CADM2: variants seen among roughly 807,000 people sequenced by gnomAD.
CADM2 encodes the protein immunoglobulin superfamily member 4D.
CADM2 carries 12 observed loss-of-function variants against 49.8 expected under a neutral mutation model. The observed-to-expected ratio is 0.24, with a 90% CI of 0.15 to 0.39. CADM2 has a LOEUF of 0.39. CADM2 is among the 10% of genes least tolerant of loss of function. CADM2 has a pLI of 1.00. For synonymous variants in CADM2, 214 were observed against 175.4 expected (o/e 1.22, Z -1.74); for missense variants, 378 against 492.3 (o/e 0.77, Z 2.20).
intron 5 of CADM2, among the ~76,000 whole-genome samples, chr3:85,887,993 T>G (rs1713904549): frequency 6.6e-6 from 1 of 152,222 alleles, no homozygotes; most frequent in African/African-American, 2.4e-5. Context: ...ACACGTCACA[T>G]ATTTCCTTTT....
At position 86,065,615 on chromosome 3, in the gene CADM2, T is replaced by A. The variant is rs139890320; in HGVS notation, c.981T>A (p.Ala327=). The change falls in exon 9 of 10, where the codon GCT becomes GCA. Residue 327 remains alanine, a synonymous_variant. Coordinates refer to ENST00000383699, the MANE Select transcript of CADM2 (RefSeq NM_001167675.2). ...TCCTGTCTTTTCCAGATCCTAATGC[T>A]TTGGCTGGCCAGAATGGCCCTGACC... ...EYVLIVHDPN[A]LAGQNGPDHA... is the part of the protein sequence containing the mutation. The A allele has an allele frequency of 2.5e-5, 41 of 1,612,926 alleles. No homozygotes were observed. Among genetic ancestry groups the A allele is most frequent in the Non-Finnish European group, 3.3e-5 (39 of 1,179,594 alleles).
intron 8 of CADM2, among the ~76,000 whole-genome samples, chr3:86,063,273 C>T (rs1270662986): frequency 6.6e-6 from 1 of 152,168 alleles, no homozygotes; most frequent in African/African-American, 2.4e-5. Context: ...CTCTCCATCG[C>T]ATACACAATA....
chr3:85,259,415 A>T (rs1576228763), intron 1 of CADM2, among the ~76,000 whole-genome samples: 3 of 151,644 alleles, frequency 2.0e-5, no homozygotes, highest in Non-Finnish European at 2.9e-5. Context: ...ATTTTCAGAA[A>T]ACTTTCATGA....
At chr3:85,882,840 T>C (rs1713016543) in intron 3 of CADM2, among the ~76,000 whole-genome samples, 1 of 152,214 alleles carries the variant, frequency 6.6e-6, no homozygotes, top group African/African-American at 2.4e-5. Context: ...CAAGTGCCTC[T>C]ACTGCAGAGA....
chr3:85,646,245 A>G (rs1388006554), intron 1 of CADM2, among the ~76,000 whole-genome samples: 3 of 152,006 alleles, frequency 2.0e-5, no homozygotes, highest in Non-Finnish European at 2.9e-5. Context: ...TTAGCTTTAC[A>G]ATTGTTTATA....
chr3:85,508,187 T>C (rs966051424), intron 1 of CADM2, among the ~76,000 whole-genome samples: 3 of 152,192 alleles, frequency 2.0e-5, no homozygotes, highest in Admixed American at 2.0e-4. Flanking sequence ...ACGTATTGTT[T>C]TCTGTATTAT....
At chr3:85,302,902 G>A (rs1010625248) in intron 1 of CADM2, among the ~76,000 whole-genome samples, 5 of 151,834 alleles carry the variant, frequency 3.3e-5, no homozygotes, top group Non-Finnish European at 4.4e-5. Context: ...ACAGCATTTG[G>A]GTAGGAATAT....
chr3:85,112,977 A>G (rs554423647), intron 1 of CADM2, among the ~76,000 whole-genome samples: 67 of 152,060 alleles, frequency 4.4e-4, no homozygotes, highest in African/African-American at 1.5e-3. Context: ...TTTAATAACA[A>G]ATTTATAAAT....
chr3:85,848,227 AT>A (rs970910594), intron 3 of CADM2, among the ~76,000 whole-genome samples: 7 of 152,142 alleles, frequency 4.6e-5, no homozygotes, highest in African/African-American at 1.4e-4. Context: ...AACTTAAAAA[AT>A]GTATATTTTT....
At chr3:85,537,515 T>C (rs1013085431) in intron 1 of CADM2, among the ~76,000 whole-genome samples, 1 of 150,518 alleles carries the variant, frequency 6.6e-6, no homozygotes, top group East Asian at 2.0e-4. Context: ...TGTGTGTGTG[T>C]GCGTGTGCAA....
chr3:85,474,876 G>A (rs76632945), intron 1 of CADM2, among the ~76,000 whole-genome samples: 2,082 of 151,752 alleles, frequency 0.014, 51 homozygotes, highest in African/African-American at 0.048. Flanking sequence ...CCTCCTTCCT[G>A]GTCAATAAAG....
rs149419509 is a variant in CADM2, at chr3:85,896,639, T to C, written c.529+10312T>C. Reference sequence around the variant, plus strand: ...TTCTATAAGCATTATTTACTTATTATATACCGTGTGTTTCAAAATGTTTGG... The same window carrying C: ...TTCTATAAGCATTATTTACTTATTACATACCGTGTGTTTCAAAATGTTTGG... On this transcript the variant is annotated intron_variant, in intron 5 of 9. Coordinates refer to ENST00000383699, the MANE Select transcript of CADM2 (RefSeq NM_001167675.2). 9.2e-5 allele frequency among the ~76,000 whole-genome samples: 14 copies of C among 152,336 alleles called. No homozygotes were observed. The East Asian group carries it at 2.7e-3, about 29-fold the overall frequency.
intron 8 of CADM2, among the ~76,000 whole-genome samples, chr3:86,015,825 G>A (rs1169422549): frequency 6.6e-6 from 1 of 152,146 alleles, no homozygotes; most frequent in Non-Finnish European, 1.5e-5. Context: ...CATGGGTACT[G>A]ACAACTGACT....
intron 1 of CADM2, among the ~76,000 whole-genome samples, chr3:85,370,382 A>C (rs1474334746): frequency 6.6e-6 from 1 of 151,794 alleles, no homozygotes; most frequent in Admixed American, 6.6e-5. Flanking sequence ...AGATCGCGCC[A>C]CTGCACTGCA....
intron 1 of CADM2, among the ~76,000 whole-genome samples, chr3:85,310,160 C>T (rs1055381549): frequency 6.6e-6 from 1 of 152,144 alleles, no homozygotes; most frequent in Non-Finnish European, 1.5e-5. Flanking sequence ...GCTCTGTTTC[C>T]AAAACGAATA....
At chr3:86,060,632 G>A (rs1339154184) in intron 8 of CADM2, among the ~76,000 whole-genome samples, 2 of 152,022 alleles carry the variant, frequency 1.3e-5, no homozygotes, top group Non-Finnish European at 1.5e-5. Context: ...CAGTCCACAG[G>A]TATGGCTTTA....
At chr3:85,238,458 C>T (rs947873002) in intron 1 of CADM2, among the ~76,000 whole-genome samples, 1 of 151,942 alleles carries the variant, frequency 6.6e-6, no homozygotes, top group African/African-American at 2.4e-5. Context: ...AGGATAGCAA[C>T]TTCTCCTGGT....
intron 1 of CADM2, among the ~76,000 whole-genome samples, chr3:85,378,313 T>C (rs2033709838): frequency 6.6e-6 from 1 of 152,010 alleles, no homozygotes; most frequent in Non-Finnish European, 1.5e-5. Flanking sequence ...CGCAAAATGT[T>C]TGGCACCTAA....
chr3:85,889,702 ATAT>A (rs1344754651), intron 5 of CADM2, among the ~76,000 whole-genome samples: 1 of 152,140 alleles, frequency 6.6e-6, no homozygotes, highest in African/African-American at 2.4e-5. Flanking sequence ...TACATTTTAG[ATAT>A]TATTATCATT....
Sources: gnomAD v4.1 joint callset for allele counts (sites outside exome capture counted in the v4.1 genomes callset) on GRCh38, gnomAD v4.1.1 for gene constraint, MANE v1.5 for transcripts, NCBI Gene and HGNC (gene_info 2026-07-23, HGNC 2026-07-21) for gene names.